PEPD: variants seen among roughly 807,000 people sequenced by gnomAD.
PEPD encodes xaa-Pro dipeptidase.
A neutral mutation model predicts 60.7 loss-of-function variants in PEPD; 53 were observed. The ratio of observed to expected loss-of-function variants is 0.87; its 90% CI spans 0.70 to 1.10. The LOEUF (loss-of-function observed/expected upper bound fraction) is 1.10, where lower values mean the gene tolerates loss of function less well. Ranked by LOEUF, PEPD falls within the 50% of genes least tolerant of loss-of-function variation. PEPD has a pLI of 0.00. For synonymous variants in PEPD, 267 were observed against 284.1 expected (o/e 0.94, Z 0.60); for missense variants, 711 against 711.9 (o/e 1.00, Z 0.01).
intron 8 of PEPD, among the ~76,000 whole-genome samples, chr19:33,463,534 A>G (rs1969968108): frequency 6.6e-6 from 1 of 152,192 alleles, no homozygotes; most frequent in Admixed American, 6.5e-5. Flanking sequence ...CTTTCAAGAC[A>G]TGTGTTTCCT....
chr19:33,426,183 C>T (rs1969144016), intron 9 of PEPD, among the ~76,000 whole-genome samples: 1 of 152,120 alleles, frequency 6.6e-6, no homozygotes, highest in Non-Finnish European at 1.5e-5. Context: ...CACTGCACTC[C>T]AGCCTGGGCA....
chr19:33,499,851 C>T (rs534193225), intron 4 of PEPD, among the ~76,000 whole-genome samples: 35 of 152,322 alleles, frequency 2.3e-4, no homozygotes, highest in South Asian at 4.1e-4. Context: ...CTGGATGGGC[C>T]GGGCTGGGCC....
Position 33,413,637 on chromosome 19 carries a change from G to C in PEPD, c.678C>G (p.Phe226Leu), listed in dbSNP as rs746307467. Residue 226 changes from phenylalanine (F) to leucine (L), a missense_variant, in exon 10 of 15, where the codon TTC becomes TTG. By Grantham distance (22) the Phe-to-Leu change is conservative (BLOSUM62 0). Transcript: ENST00000244137. ...CGCCCCGGGAGTAGCAGTAGTGCTCGAAGAGGCTGCAGGGGGAGAGACGCG... is the reference window on the plus strand; with the variant it reads ...CGCCCCGGGAGTAGCAGTAGTGCTCCAAGAGGCTGCAGGGGGAGAGACGCG... ...GMKEYELESL[F>L]EHYCYSRGGM... The C allele has an allele frequency of 3.2e-5, 51 of 1,583,040 alleles. No homozygotes were observed. Among genetic ancestry groups the C allele is most frequent in the Non-Finnish European group, 4.2e-5 (49 of 1,162,594 alleles).
At chr19:33,391,913 G>A (rs1968232099) in intron 12 of PEPD, among the ~76,000 whole-genome samples, 1 of 152,214 alleles carries the variant, frequency 6.6e-6, no homozygotes. Context: ...TGGCCCTGAG[G>A]CTCAGACCCA....
At position 33,480,813 on chromosome 19, in the gene PEPD, CGTGT is replaced by C. The variant is rs67751032; in HGVS notation, c.504-2727_504-2724del. 5.1e-3 allele frequency among the ~76,000 whole-genome samples: 652 copies of C among 127,824 alleles called. 2 individuals are homozygous for C. The highest frequency in any genetic ancestry group is 0.019 in the African/African-American group (586 of 30,688). 83.9% of individuals were successfully genotyped at this position (127,824 alleles called of 152,430 possible). ...CGTTTCAAAAAATATATATATATAG[CGTGT>C]GTGTGTGTGTGTGTGTGTGTGTGTA... On this transcript the variant is annotated intron_variant, in intron 6 of 14. Transcript: ENST00000244137.
rs547854862 is a variant in PEPD, at chr19:33,489,047, C to T, written c.503+949G>A. ...GGCCAGTCACCAGCCAGTCCAGGGA[C>T]CCAAGCACATCCAGTGGGCAGGGCT... On this transcript the variant is annotated intron_variant, in intron 6 of 14. Transcript: ENST00000244137. Among the ~76,000 whole-genome samples, 19 of 152,242 alleles carry T rather than the reference C, an allele frequency of 1.2e-4. No individual in the cohort carries two copies. In the East Asian group the frequency reaches 3.7e-3, roughly 29 times the overall value.
At position 33,508,671 on chromosome 19, in the gene PEPD, A is replaced by G. The variant is rs1020902955; in HGVS notation, c.329+2357T>C. On this transcript the variant is annotated intron_variant, in intron 3 of 14. Coordinates refer to ENST00000244137, the MANE Select transcript of PEPD (RefSeq NM_000285.4). ...GATGTGGCGGCTGGGTTCCCAGGGC[A>G]AGTACCCCATGGGAGAGAACCAGGT... is the stretch of plus-strand genomic sequence containing the variant. 5.3e-5 allele frequency among the ~76,000 whole-genome samples: 8 copies of G among 152,300 alleles called. No homozygotes were observed. In the East Asian group the frequency reaches 1.5e-3, roughly 29 times the overall value.
At chr19:33,455,790 A>T (rs1366845428) in intron 9 of PEPD, among the ~76,000 whole-genome samples, 1 of 151,744 alleles carries the variant, frequency 6.6e-6, no homozygotes, top group Admixed American at 6.6e-5. Flanking sequence ...CTGGGACTAC[A>T]GGCATGAGTG....
intron 9 of PEPD, among the ~76,000 whole-genome samples, chr19:33,419,662 G>A (rs1227801936): frequency 1.3e-5 from 2 of 152,240 alleles, no homozygotes; most frequent in Non-Finnish European, 2.9e-5. Flanking sequence ...GAAGGCTGAA[G>A]AAGATGCAGG....
intron 9 of PEPD, among the ~76,000 whole-genome samples, chr19:33,424,768 G>A (rs569008644): frequency 1.3e-5 from 2 of 152,266 alleles, no homozygotes; most frequent in South Asian, 2.1e-4. Flanking sequence ...TGTGGCTTGG[G>A]AGGCCTCACA....
At chr19:33,493,476 C>T in intron 4 of PEPD, 139 bp from the exon 5 acceptor site, 3 of 726,838 alleles carry the variant, frequency 4.1e-6, no homozygotes, top group Non-Finnish European at 7.6e-6. Flanking sequence ...CTGCCCTCAC[C>T]CTGCAGGTGA....
intron 4 of PEPD, among the ~76,000 whole-genome samples, chr19:33,498,054 C>T (rs945284157): frequency 6.6e-6 from 1 of 151,930 alleles, no homozygotes; most frequent in Non-Finnish European, 1.5e-5. Flanking sequence ...GTCCCTGCCC[C>T]GCTGTGTCCC....
intron 5 of PEPD, among the ~76,000 whole-genome samples, chr19:33,492,933 G>A (rs984459148): frequency 1.9e-4 from 29 of 152,142 alleles, no homozygotes; most frequent in African/African-American, 7.0e-4. Context: ...CTGGAGCACA[G>A]TGGCGCGATC....
chr19:33,510,726 C>G (rs1970908784), intron 3 of PEPD, among the ~76,000 whole-genome samples: 1 of 152,172 alleles, frequency 6.6e-6, no homozygotes, highest in Non-Finnish European at 1.5e-5. Flanking sequence ...CGGCCTGGCT[C>G]TAGGAGCTGG....
intron 9 of PEPD, among the ~76,000 whole-genome samples, chr19:33,420,823 T>C (rs1190721846): frequency 3.3e-5 from 5 of 152,218 alleles, no homozygotes; most frequent in African/African-American, 1.2e-4. Context: ...CACAGCACAA[T>C]GGCCCAGCAC....
intron 3 of PEPD, among the ~76,000 whole-genome samples, chr19:33,510,131 G>A (rs1415123568): frequency 1.3e-5 from 2 of 152,232 alleles, no homozygotes; most frequent in African/African-American, 4.8e-5. Context: ...CATTTTCACA[G>A]ACGGAGAAGC....
chr19:33,403,460 G>A (rs1478482101), intron 11 of PEPD, among the ~76,000 whole-genome samples: 5 of 152,188 alleles, frequency 3.3e-5, no homozygotes, highest in Admixed American at 2.6e-4. Flanking sequence ...GGGCACAGCC[G>A]CGGCTTCCGT....
Position 33,477,598 on chromosome 19 carries a change from C to G in PEPD, c.548+448G>C, listed in dbSNP as rs139242449. 2.1e-3 allele frequency among the ~76,000 whole-genome samples: 322 copies of G among 152,328 alleles called. 1 individual carries two copies. Among genetic ancestry groups the G allele is most frequent in the Non-Finnish European group, 3.5e-3 (235 of 68,040 alleles). ...CAGCTAGTAGAAGCCAGTTGTGCAG[C>G]AGGTAAGGGCTAACAGTATCACCAT... On this transcript the variant is annotated intron_variant, in intron 7 of 14. Coordinates refer to ENST00000244137, the MANE Select transcript of PEPD (RefSeq NM_000285.4).
At chr19:33,447,600 G>A (rs531917404) in intron 9 of PEPD, among the ~76,000 whole-genome samples, 1 of 152,326 alleles carries the variant, frequency 6.6e-6, no homozygotes, top group South Asian at 2.1e-4. Flanking sequence ...GGGCATCTAG[G>A]CCTGTTCAAA....
Sources: gnomAD v4.1 joint callset for allele counts (sites outside exome capture counted in the v4.1 genomes callset) on GRCh38, gnomAD v4.1.1 for gene constraint, MANE v1.5 for transcripts, NCBI Gene and HGNC (gene_info 2026-07-23, HGNC 2026-07-21) for gene names.